The following TIMELESS variants were observed in gnomAD, a reference collection of about 807,000 sequenced individuals.
The protein encoded by TIMELESS is protein timeless homolog.
TIMELESS carries 124 observed loss-of-function variants against 164.3 expected under a neutral mutation model. That is an observed-to-expected ratio of 0.75 (90% confidence interval 0.65 to 0.88). The LOEUF is 0.88. Ranked by LOEUF, TIMELESS falls within the 40% of genes least tolerant of loss-of-function variation. TIMELESS has a pLI of 0.00. For synonymous variants in TIMELESS, 564 were observed against 563.4 expected, an observed-to-expected ratio of 1.00 and a Z score of -0.02; for missense variants, 1,422 against 1,491.4, an observed-to-expected ratio of 0.95 and a Z score of 0.77.
rs1199862554 is a variant in TIMELESS, at chr12:56,434,006, T to C, written c.97+68A>G. 4.3e-6 allele frequency: 7 copies of C among 1,611,242 alleles called. No individual in the cohort carries two copies. In the Admixed American group the frequency reaches 1.2e-4, roughly 27 times the overall value. On this transcript the variant is annotated intron_variant, in intron 2 of 28. Transcript: ENST00000553532. ...ACCCACATCTTTTCACACCCATGGT[T>C]TGAGGAATTCAACAGACCTCCTTAA...
rs1420955034 is a variant in TIMELESS, at chr12:56,418,169, G to A, written c.3419C>T (p.Ala1140Val). 1 of 1,614,064 alleles carries A rather than the reference G, an allele frequency of 6.2e-7. No individual in the cohort carries two copies. Among genetic ancestry groups the A allele is most frequent in the Non-Finnish European group, 8.5e-7 (1 of 1,180,050 alleles). ...TGCCAGGCCCGCTTTCTTCTTGTGGGCTAGCAAGAGGGCCCTCAGGGCTTG... is the reference window on the plus strand; with the variant it reads ...TGCCAGGCCCGCTTTCTTCTTGTGGACTAGCAAGAGGGCCCTCAGGGCTTG... ...RAQALRALLL[A>V]HKKKAGLASP... The change falls in exon 27 of 29, where the codon GCC (alanine) becomes GTC (valine). Residue 1140 changes from alanine to valine, a missense_variant. Transcript: ENST00000553532.
intron 10 of TIMELESS, 41 bp downstream of exon 10, chr12:56,430,064 T>C: frequency 6.4e-7 from 1 of 1,568,946 alleles, no homozygotes. Flanking sequence ...CACCTGTCTA[T>C]TCCATTCCTG....
chr12:56,421,919 G>A lies in TIMELESS; in HGVS notation c.2622C>T (p.Asp874=), dbSNP rs1388695573. 9 of 1,614,042 alleles carry A rather than the reference G, an allele frequency of 5.6e-6. No individual in the cohort carries two copies. Among genetic ancestry groups the A allele is most frequent in the Non-Finnish European group, 5.1e-6 (6 of 1,180,030 alleles). Residue 874 remains aspartate, a synonymous_variant, in exon 21 of 29, where the codon GAC becomes GAT. Transcript: ENST00000553532. ...TCTACCTTTGGAAGTCCTTGACACTGTCAGCCAGTCCCATCTGTACCAGAT... is the reference window on the plus strand; with the variant it reads ...TCTACCTTTGGAAGTCCTTGACACTATCAGCCAGTCCCATCTGTACCAGAT... ...IHHLVQMGLA[D]SVKDFQRKGT...
chr12:56,418,159 C>A lies in TIMELESS; in HGVS notation c.3429G>T (p.Lys1143Asn). 1 of 1,614,220 alleles carries A rather than the reference C, an allele frequency of 6.2e-7. No homozygotes were observed. Among genetic ancestry groups the A allele is most frequent in the Non-Finnish European group, 8.5e-7 (1 of 1,180,038 alleles). Residue 1143 changes from lysine to asparagine, a missense_variant, in exon 27 of 29, where the codon AAG (lysine) becomes AAT (asparagine). Transcript: ENST00000553532. ...CCTCTGGGGATGCCAGGCCCGCTTTCTTCTTGTGGGCTAGCAAGAGGGCCC... is the reference window on the plus strand; with the variant it reads ...CCTCTGGGGATGCCAGGCCCGCTTTATTCTTGTGGGCTAGCAAGAGGGCCC... ...ALRALLLAHK[K>N]KAGLASPEEE...
intron 1 of TIMELESS, among the ~76,000 whole-genome samples, chr12:56,441,458 C>A (rs1430143222): frequency 6.6e-6 from 1 of 151,952 alleles, no homozygotes; most frequent in Admixed American, 6.6e-5. Flanking sequence ...CCAGTCTCCA[C>A]AAAAAATAAA....
Position 56,430,228 on chromosome 12 carries a change from A to T in TIMELESS, c.963T>A (p.Arg321=). ...TGGACAGCTCTCGGGCGGCCTGGCG[A>T]CGTTTAGGCACCTTTTTCGGCTGCT... The part of the protein sequence containing the change: ...LGKQPKKVPK[R]RQAARELSIQ... Residue 321 remains arginine, a synonymous_variant, in exon 10 of 29, where the codon CGT becomes CGA. Coordinates refer to ENST00000553532, the MANE Select transcript of TIMELESS (RefSeq NM_003920.5). The T allele has an allele frequency of 6.2e-7, 1 of 1,613,934 alleles. No individual in the cohort carries two copies. Among genetic ancestry groups the T allele is most frequent in the Non-Finnish European group, 8.5e-7 (1 of 1,179,934 alleles).
In TIMELESS at chr12:56,430,299, G is replaced by A; in HGVS notation, c.910-18C>T. The A allele has an allele frequency of 1.2e-6, 2 of 1,606,628 alleles. No homozygotes were observed. The highest frequency in any genetic ancestry group is 1.7e-6 in the Non-Finnish European group (2 of 1,176,074). On this transcript the variant is annotated intron_variant, in intron 9 of 28. Transcript: ENST00000553532. ...TTTCGTAGCTGGGTGTGTCGGTTGG[G>A]GGATTAGAATTACTCCTAAATACCA...
rs1375927956 is a variant in TIMELESS at position 56,428,641 on chromosome 12, G to A, written c.1316C>T (p.Ala439Val). 2.5e-6 allele frequency: 4 copies of A among 1,613,910 alleles called. No homozygotes were observed. The highest frequency in any genetic ancestry group is 2.5e-6 in the Non-Finnish European group (3 of 1,179,882). The change falls in exon 12 of 29, where the codon GCT becomes GTT. Residue 439 changes from alanine to valine, a missense_variant. Physicochemically the swap from Ala to Val is moderately conservative, Grantham distance 64 (BLOSUM62 0). Coordinates refer to ENST00000553532, the MANE Select transcript of TIMELESS (RefSeq NM_003920.5). ...AASWARRMHL[A>V]LKAYQELLAT... ...CAGCAGCTCCTGATAGGCCTTCAGA[G>A]CCAAGTGCATCCTGAGAGTTGACGG...
chr12:56,442,995 G>A (rs1868298156), intron 1 of TIMELESS, among the ~76,000 whole-genome samples: 1 of 152,160 alleles, frequency 6.6e-6, no homozygotes, highest in Non-Finnish European at 1.5e-5. Flanking sequence ...AACTGACAAT[G>A]TATGTCATCT....
intron 1 of TIMELESS, among the ~76,000 whole-genome samples, chr12:56,447,043 T>C (rs1868363062): frequency 6.6e-6 from 1 of 150,552 alleles, no homozygotes; most frequent in African/African-American, 2.4e-5. Flanking sequence ...CGAGTCTCAC[T>C]CTGTCACTCA....
chr12:56,442,062 C>T (rs564444789), intron 1 of TIMELESS, among the ~76,000 whole-genome samples: 35 of 115,158 alleles, frequency 3.0e-4, no homozygotes, highest in Non-Finnish European at 4.7e-4. Flanking sequence ...CCAGCCTGGG[C>T]GACAGAGTGA....
chr12:56,439,694 A>T (rs188706703), intron 1 of TIMELESS, among the ~76,000 whole-genome samples: 3 of 152,184 alleles, frequency 2.0e-5, no homozygotes, highest in East Asian at 3.8e-4. Flanking sequence ...CACCACACCT[A>T]GCCTGAATTG....
rs149603574 is a variant in TIMELESS at position 56,429,919 on chromosome 12, G to T, written c.1086+186C>A. 4.0e-5 allele frequency among the ~76,000 whole-genome samples: 6 copies of T among 151,868 alleles called. No homozygotes were observed. In the East Asian group the frequency reaches 9.7e-4, roughly 25 times the overall value. ...CAGAGCCTCTTTTGTCATGCCAGGA[G>T]CCCACTCGTTCCTGGCATTTTCACT... On this transcript the variant is annotated intron_variant, in intron 10 of 28. Coordinates refer to ENST00000553532, the MANE Select transcript of TIMELESS (RefSeq NM_003920.5).
chr12:56,418,057 C>T (rs1197966742), intron 27 of TIMELESS, 49 bp from the exon 28 acceptor site: 3 of 1,613,432 alleles, frequency 1.9e-6, no homozygotes, highest in African/African-American at 1.3e-5. Flanking sequence ...TCCTCATATT[C>T]TCAGAACACC....
At chr12:56,441,838 C>T (rs537580444) in intron 1 of TIMELESS, among the ~76,000 whole-genome samples, 4 of 152,242 alleles carry the variant, frequency 2.6e-5, no homozygotes, top group Admixed American at 2.6e-4. Flanking sequence ...AATCCCAGCA[C>T]TTTGGGAAGC....
In TIMELESS at chr12:56,416,812, C is replaced by G. The variant is rs1244710598; in HGVS notation, c.*904G>C. Reference sequence around the variant, plus strand: ...GACCTTAGCTCACTGCAACCTCTGCCTCCTGGGTTCAGGCAATTCTCCTGC... The same window carrying G: ...GACCTTAGCTCACTGCAACCTCTGCGTCCTGGGTTCAGGCAATTCTCCTGC... On this transcript the variant is annotated 3_prime_UTR_variant, in exon 29 of 29. Transcript: ENST00000553532. The G allele has an allele frequency of 6.6e-6, 1 of 152,112 alleles. No homozygotes were observed. Among genetic ancestry groups the G allele is most frequent in the Non-Finnish European group, 1.5e-5 (1 of 68,094 alleles). 9.4% of individuals were successfully genotyped at this position (152,112 alleles called of 1,614,324 possible).
intron 22 of TIMELESS, 31 bp downstream of exon 22, chr12:56,421,696 C>T (rs1881495561): frequency 1.9e-6 from 3 of 1,612,008 alleles, no homozygotes; most frequent in Non-Finnish European, 2.5e-6. Flanking sequence ...GCTTTCATCT[C>T]AAAGGTCCCC....
intron 17 of TIMELESS, 53 bp from the exon 18 acceptor site, chr12:56,423,528 T>C (rs1198494939): frequency 1.2e-6 from 2 of 1,612,764 alleles, no homozygotes; most frequent in African/African-American, 1.3e-5. Flanking sequence ...ACATAGCTCA[T>C]CCTCACAGCC....
At chr12:56,418,591 T>A (rs989871212) in intron 26 of TIMELESS, among the ~76,000 whole-genome samples, 12 of 149,850 alleles carry the variant, frequency 8.0e-5, no homozygotes, top group African/African-American at 1.7e-4. Context: ...TTTTTTTTTT[T>A]AAATGAGAAG....
Sources: allele counts gnomAD v4.1 joint callset (sites outside exome capture counted in the v4.1 genomes callset), GRCh38; gene constraint gnomAD v4.1.1; transcripts MANE v1.5; gene names NCBI Gene and HGNC (gene_info 2026-07-23, HGNC 2026-07-21).